Variants in ARAP2 observed in about 807,000 individuals in gnomAD.
ARAP2 encodes the protein arf-GAP with Rho-GAP domain, ANK repeat and PH domain-containing protein 2.
In ARAP2, 148 loss-of-function variants were observed where a neutral mutation model predicts 194.5. The observed-to-expected ratio is 0.76, with a 90% CI of 0.67 to 0.87. The LOEUF (loss-of-function observed/expected upper bound fraction) is 0.87, where lower values mean the gene tolerates loss of function less well. ARAP2 is among the 40% of genes least tolerant of loss of function. The pLI is 0.00. For synonymous variants in ARAP2, 695 were observed against 683.5 expected, an observed-to-expected ratio of 1.02 and a Z score of -0.26; for missense variants, 2,128 against 1,989.7, an observed-to-expected ratio of 1.07 and a Z score of -1.32.
intron 15 of ARAP2, among the ~76,000 whole-genome samples, chr4:36,154,552 T>C (rs1731778975): frequency 6.6e-6 from 1 of 152,162 alleles, no homozygotes; most frequent in East Asian, 1.9e-4. Flanking sequence ...GATGCTATTA[T>C]TCAACTGTGT....
downstream of ARAP2, chr4:36,065,142 T>A: frequency 3.4e-6 from 1 of 293,622 alleles, no homozygotes; most frequent in Non-Finnish European, 7.1e-6. Context: ...TTCAGCCTCT[T>A]CTTCAGTTCC....
At chr4:36,062,275 G>A (rs1437041055), downstream of ARAP2, among the ~76,000 whole-genome samples, 1 of 152,176 alleles carries the variant, frequency 6.6e-6, no homozygotes. Context: ...CTGCTAGGGG[G>A]TTGGGGAGGA....
At chr4:36,059,477 C>T (rs895200939) in intron 1 of ARAP2, among the ~76,000 whole-genome samples, 7 of 152,096 alleles carry the variant, frequency 4.6e-5, no homozygotes, top group African/African-American at 1.7e-4. Flanking sequence ...CACCTGAGTC[C>T]CGGACAAGGA....
intron 28 of ARAP2, among the ~76,000 whole-genome samples, chr4:36,087,421 T>C (rs1712186101): frequency 6.6e-6 from 1 of 152,106 alleles, no homozygotes; most frequent in Non-Finnish European, 1.5e-5. Flanking sequence ...TTGAGGTCAC[T>C]GTTATTAAAA....
intron 7 of ARAP2, among the ~76,000 whole-genome samples, chr4:36,188,088 T>G (rs1740975625): frequency 6.6e-6 from 1 of 152,220 alleles, no homozygotes. Flanking sequence ...TCATTTTAAT[T>G]TTTACTCTTC....
chr4:36,210,748 A>T lies in ARAP2; in HGVS notation c.1134-5T>A. ...TCCTTTCTGTTATCGTATATGCTAA[A>T]CGGAAAAATGATGTAAACATTTCAA... On this transcript the variant is annotated splice_polypyrimidine_tract_variant and splice_region_variant and intron_variant, in intron 5 of 32. Coordinates refer to ENST00000303965, the MANE Select transcript of ARAP2 (RefSeq NM_015230.4). 6.4e-7 allele frequency: 1 copy of T among 1,556,494 alleles called. No homozygotes were observed. Among genetic ancestry groups the T allele is most frequent in the Non-Finnish European group, 8.7e-7 (1 of 1,154,488 alleles).
intron 11 of ARAP2, among the ~76,000 whole-genome samples, chr4:36,163,866 T>C (rs570516267): frequency 3.3e-5 from 5 of 152,334 alleles, no homozygotes; most frequent in East Asian, 3.9e-4. Context: ...TAGAAGGTGA[T>C]TCACTGGCAT....
chr4:36,234,018 T>G (rs543799794), intron 1 of ARAP2, among the ~76,000 whole-genome samples: 1 of 152,380 alleles, frequency 6.6e-6, no homozygotes, highest in South Asian at 2.1e-4. Context: ...ACCCATTGTA[T>G]GCTGCAAATA....
At chr4:36,091,148 T>G (rs1231688637) in intron 28 of ARAP2, among the ~76,000 whole-genome samples, 6 of 152,062 alleles carry the variant, frequency 3.9e-5, no homozygotes, top group Admixed American at 6.6e-5. Context: ...ATAAAAAAAA[T>G]CATATATTAT....
chr4:36,028,127 GTTTTA>G (rs1718243866), intron 5 of ARAP2, among the ~76,000 whole-genome samples: 1 of 152,042 alleles, frequency 6.6e-6, no homozygotes, highest in Admixed American at 6.6e-5. Flanking sequence ...ACTCGCTAAT[GTTTTA>G]TTTATAATTT....
At chr4:36,089,224 TATG>T (rs1712837134) in intron 28 of ARAP2, among the ~76,000 whole-genome samples, 4 of 152,268 alleles carry the variant, frequency 2.6e-5, no homozygotes, top group South Asian at 2.1e-4. Flanking sequence ...CACAGACTTA[TATG>T]ATACTATTTT....
chr4:36,183,996 A>G (rs1739913456), intron 8 of ARAP2, among the ~76,000 whole-genome samples: 1 of 152,176 alleles, frequency 6.6e-6, no homozygotes, highest in Admixed American at 6.5e-5. Context: ...TTTTTGTTCT[A>G]AACTTTAATT....
chr4:36,239,076 G>A (rs550238359), intron 1 of ARAP2, among the ~76,000 whole-genome samples: 4 of 152,208 alleles, frequency 2.6e-5, no homozygotes, highest in African/African-American at 9.6e-5. Flanking sequence ...AGGAGTTTGA[G>A]ACCAGCCTGG....
chr4:36,107,523 G>T, intron 27 of ARAP2, 42 bp downstream of exon 27: 1 of 1,563,606 alleles, frequency 6.4e-7, no homozygotes, highest in Non-Finnish European at 8.7e-7. Context: ...TTAACCACTT[G>T]AATTTTCAAT....
In ARAP2 at chr4:36,066,363, T is replaced by C. The variant is rs1334358974; in HGVS notation, c.*1544A>G. The C allele has an allele frequency of 6.6e-6, 1 of 152,186 alleles. No homozygotes were observed. Among genetic ancestry groups the C allele is most frequent in the Non-Finnish European group, 1.5e-5 (1 of 68,038 alleles). 9.4% of individuals were successfully genotyped at this position (152,186 alleles called of 1,614,324 possible). A position where few individuals can be genotyped will look rare whatever the true frequency, so the allele number is the denominator to read the frequency against. On this transcript the variant is annotated 3_prime_UTR_variant, in exon 33 of 33. Transcript: ENST00000303965. ...CTATTTCATAAACTGTCCTGCAGTTTTGTGCTTTTTAAAAATTCTAATTTA... is the reference window on the plus strand; with the variant it reads ...CTATTTCATAAACTGTCCTGCAGTTCTGTGCTTTTTAAAAATTCTAATTTA...
At chr4:36,063,928 T>C (rs1724888768), downstream of ARAP2, among the ~76,000 whole-genome samples, 1 of 152,236 alleles carries the variant, frequency 6.6e-6, no homozygotes, top group African/African-American at 2.4e-5. Context: ...TCAAATACAT[T>C]TAATGCATTT....
rs755558819 is a variant in ARAP2, at chr4:36,147,644, CT to C, written c.3102del (p.Gly1035AlafsTer26). On this transcript the variant is annotated frameshift_variant, in exon 18 of 33. Transcript: ENST00000303965. LOFTEE classifies it high-confidence loss of function. ...CTGGATTTGTCCATAGCAAACCAGCCTTTTCTCCACTGATCCAGGGCATGGC... is the reference window on the plus strand; with the variant it reads ...CTGGATTTGTCCATAGCAAACCAGCCTTTCTCCACTGATCCAGGGCATGGC... Reference protein sequence around the residue: ...KDCHALDQWRKGWFAMDKSSL... With the variant: ...KDCHALDQWRXGWFAMDKSSL... 6.2e-6 allele frequency: 10 copies of C among 1,613,520 alleles called. No individual in the cohort carries two copies. Among genetic ancestry groups the C allele is most frequent in the Non-Finnish European group, 8.5e-6 (10 of 1,179,680 alleles).
At chr4:36,044,361 T>C (rs1363597981) in intron 5 of ARAP2, among the ~76,000 whole-genome samples, 1 of 152,098 alleles carries the variant, frequency 6.6e-6, no homozygotes, top group African/African-American at 2.4e-5. Context: ...ATTTTAAAAG[T>C]GGTTTGCTAT....
intron 1 of ARAP2, among the ~76,000 whole-genome samples, chr4:36,231,310 T>C (rs182683287): frequency 1.4e-3 from 215 of 152,130 alleles, no homozygotes; most frequent in African/African-American, 5.0e-3. Flanking sequence ...CACTCCAGCC[T>C]GGAGACAGAG....
Sources: gnomAD v4.1 joint callset for allele counts (sites outside exome capture counted in the v4.1 genomes callset) on GRCh38, gnomAD v4.1.1 for gene constraint, MANE v1.5 for transcripts, NCBI Gene and HGNC (gene_info 2026-07-23, HGNC 2026-07-21) for gene names.